The following CEP112 variants were observed in gnomAD, a reference collection of about 807,000 sequenced individuals.
The protein encoded by CEP112 is centrosomal protein 112.
In CEP112, 127 loss-of-function variants were observed where a neutral mutation model predicts 153.0. The observed-to-expected ratio is 0.83, with a 90% CI of 0.72 to 0.96. The LOEUF (loss-of-function observed/expected upper bound fraction) is 0.96. Ranked by LOEUF, CEP112 falls within the 40% of genes least tolerant of loss-of-function variation. The probability of loss-of-function intolerance (pLI) is 0.00; values close to 1 mark genes in which losing one functional copy is unlikely to be tolerated. For synonymous variants in CEP112, 358 were observed against 374.4 expected (o/e 0.96, Z 0.51); for missense variants, 1,089 against 1,101.2 (o/e 0.99, Z 0.16).
chr17:65,703,396 A>G (rs1023320051), intron 23 of CEP112, among the ~76,000 whole-genome samples: 1 of 151,816 alleles, frequency 6.6e-6, no homozygotes, highest in Non-Finnish European at 1.5e-5. Context: ...CTATAATCCC[A>G]GCTACTTGGG....
intron 6 of CEP112, 45 bp from the exon 7 acceptor site, chr17:66,096,677 G>T: frequency 8.1e-7 from 1 of 1,230,238 alleles, no homozygotes; most frequent in South Asian, 1.4e-5. Flanking sequence ...ATTAATTTTG[G>T]AGTTTTAATT....
rs181172926 is a variant in CEP112, at chr17:65,746,500, T to C, written c.2458-3283A>G. On this transcript the variant is annotated intron_variant, in intron 22 of 26. Transcript: ENST00000535342. ...GAACAGTAACTAAAATAAGGATAAT[T>C]AAAAAAACAAGATTTAATACTTTAA... Among the ~76,000 whole-genome samples the C allele has an allele frequency of 2.0e-3, 301 of 152,084 alleles. 1 individual carries two copies. Among genetic ancestry groups the C allele is most frequent in the Non-Finnish European group, 3.7e-3 (253 of 67,966 alleles).
rs146774235 is a variant in CEP112 at position 65,889,740 on chromosome 17, A to G, written c.2163+12412T>C. On this transcript the variant is annotated intron_variant, in intron 20 of 26. Coordinates refer to ENST00000535342, the MANE Select transcript of CEP112 (RefSeq NM_001199165.4). ...CTATACTTCTGCTTGCTTAAGTAGC[A>G]TCAACACATAAACGTCCTACAGCAT... 7.9e-3 allele frequency among the ~76,000 whole-genome samples: 1,204 copies of G among 152,180 alleles called. 21 individuals are homozygous for G. The highest frequency in any genetic ancestry group is 0.027 in the African/African-American group (1,128 of 41,514).
At chr17:66,093,508 A>G (rs1351031352) in intron 8 of CEP112, among the ~76,000 whole-genome samples, 1 of 152,024 alleles carries the variant, frequency 6.6e-6, no homozygotes, top group Non-Finnish European at 1.5e-5. Context: ...ATCAACATAC[A>G]AAAATCAGTA....
intron 16 of CEP112, among the ~76,000 whole-genome samples, chr17:66,020,158 A>G (rs1252125502): frequency 6.6e-6 from 1 of 152,212 alleles, no homozygotes; most frequent in African/African-American, 2.4e-5. Context: ...CTCTTCCTTA[A>G]TGGATGGACA....
At chr17:65,722,743 G>C (rs190087929) in intron 23 of CEP112, among the ~76,000 whole-genome samples, 1 of 152,368 alleles carries the variant, frequency 6.6e-6, no homozygotes, top group Admixed American at 6.5e-5. Flanking sequence ...TTTGAGAACA[G>C]AGTGATGGTG....
chr17:65,659,015 C>CAAAAAA lies in CEP112; in HGVS notation c.2698-17956_2698-17951dup, dbSNP rs777326885. Among the ~76,000 whole-genome samples, 116 of 55,542 alleles carry CAAAAAA rather than the reference C, an allele frequency of 2.1e-3. 12 individuals carry two copies. Among genetic ancestry groups the CAAAAAA allele is most frequent in the African/African-American group, 2.9e-3 (50 of 17,230 alleles). 36.4% of individuals were successfully genotyped at this position (55,542 alleles called of 152,430 possible). A position where few individuals can be genotyped will look rare whatever the true frequency, so the allele number is the denominator to read the frequency against. On this transcript the variant is annotated intron_variant, in intron 24 of 26. Transcript: ENST00000535342. ...TGGGTGACAGAGCGAGACTCTGTCT[C>CAAAAAA]AAAAAAAAAAAAAAAAAAAAAAAAA...
intron 18 of CEP112, among the ~76,000 whole-genome samples, chr17:65,934,234 T>C (rs555220888): frequency 7.9e-5 from 12 of 152,210 alleles, no homozygotes; most frequent in East Asian, 7.7e-4. Flanking sequence ...AAGCTGTAAA[T>C]TGTGAAATCA....
At chr17:65,672,451 G>A (rs2047032445) in intron 24 of CEP112, among the ~76,000 whole-genome samples, 1 of 152,088 alleles carries the variant, frequency 6.6e-6, no homozygotes, top group African/African-American at 2.4e-5. Context: ...GAATAACTAA[G>A]ACAATTTAGT....
chr17:66,130,541 C>T (rs527749592), intron 5 of CEP112, among the ~76,000 whole-genome samples: 21 of 151,828 alleles, frequency 1.4e-4, no homozygotes, highest in Admixed American at 2.0e-4. Flanking sequence ...TTTGGGAGGC[C>T]GAGGCGGGCA....
intron 8 of CEP112, among the ~76,000 whole-genome samples, chr17:66,093,431 A>C (rs1157716751): frequency 2.6e-5 from 4 of 152,020 alleles, no homozygotes; most frequent in Non-Finnish European, 5.9e-5. Flanking sequence ...GTAAAAAAAA[A>C]ATTTTTAAAG....
At chr17:66,152,692 A>G (rs1032883286) in intron 4 of CEP112, among the ~76,000 whole-genome samples, 1 of 152,198 alleles carries the variant, frequency 6.6e-6, no homozygotes. Context: ...TGCCTGACAG[A>G]TCCTCTCAAT....
intron 4 of CEP112, among the ~76,000 whole-genome samples, chr17:66,151,443 T>C (rs2071206451): frequency 6.6e-6 from 1 of 152,226 alleles, no homozygotes; most frequent in African/African-American, 2.4e-5. Flanking sequence ...CAACTCCTGG[T>C]ATGCATGCCC....
chr17:65,640,547 C>G (rs1034734154), intron 25 of CEP112, among the ~76,000 whole-genome samples: 1 of 152,194 alleles, frequency 6.6e-6, no homozygotes, highest in Non-Finnish European at 1.5e-5. Context: ...CTTGTTATCT[C>G]TAACGACCAT....
At chr17:66,165,425 T>C (rs957527541) in intron 4 of CEP112, among the ~76,000 whole-genome samples, 3 of 152,190 alleles carry the variant, frequency 2.0e-5, no homozygotes, top group Non-Finnish European at 1.5e-5. Flanking sequence ...AGAACACATA[T>C]CTGCCCAAAC....
At chr17:66,119,878 C>T (rs770173573) in intron 6 of CEP112, among the ~76,000 whole-genome samples, 2 of 152,096 alleles carry the variant, frequency 1.3e-5, no homozygotes, top group African/African-American at 2.4e-5. Context: ...TCATCCTCAC[C>T]AGCATTTTGT....
intron 21 of CEP112, among the ~76,000 whole-genome samples, chr17:65,837,626 T>C (rs1011145366): frequency 1.3e-5 from 2 of 152,160 alleles, no homozygotes; most frequent in African/African-American, 4.8e-5. Context: ...ATGATGACGA[T>C]GGCAGTTTTG....
chr17:65,672,859 G>A (rs1238162268), intron 24 of CEP112, among the ~76,000 whole-genome samples: 2 of 152,182 alleles, frequency 1.3e-5, no homozygotes, highest in Non-Finnish European at 2.9e-5. Flanking sequence ...AAAAATGGGA[G>A]AAATATATCT....
chr17:65,836,979 T>C (rs1425902242), intron 21 of CEP112, among the ~76,000 whole-genome samples: 1 of 152,186 alleles, frequency 6.6e-6, no homozygotes, highest in Admixed American at 6.5e-5. Context: ...GTTTTCGTAT[T>C]TTTTTGGTGG....
Sources: allele counts gnomAD v4.1 joint callset (sites outside exome capture counted in the v4.1 genomes callset), GRCh38; gene constraint gnomAD v4.1.1; transcripts MANE v1.5; gene names NCBI Gene and HGNC (gene_info 2026-07-23, HGNC 2026-07-21).